The following JARID2 variants were observed in gnomAD, a reference collection of about 807,000 sequenced individuals.
JARID2 encodes jumonji and AT-rich interaction domain containing 2.
In JARID2, 21 loss-of-function variants were observed where a neutral mutation model predicts 125.6. The ratio of observed to expected loss-of-function variants is 0.17; its 90% CI spans 0.12 to 0.24. The LOEUF (loss-of-function observed/expected upper bound fraction) is 0.24. Ranked by LOEUF, JARID2 falls within the 10% of genes least tolerant of loss-of-function variation. JARID2 has a pLI of 1.00. For missense variants in JARID2, 1,303 were observed against 1,639.6 expected, an observed-to-expected ratio of 0.79 and a Z score of 3.55; for synonymous variants, 736 against 661.6, an observed-to-expected ratio of 1.11 and a Z score of -1.73.
intron 3 of JARID2, among the ~76,000 whole-genome samples, chr6:15,438,709 A>G (rs1189497401): frequency 6.6e-6 from 1 of 152,182 alleles, no homozygotes; most frequent in African/African-American, 2.4e-5. Context: ...TTCCCTCCAC[A>G]GTATCCTTCT....
chr6:15,367,370 C>A (rs1764017070), intron 1 of JARID2, among the ~76,000 whole-genome samples: 1 of 152,150 alleles, frequency 6.6e-6, no homozygotes. Context: ...CGATGGTTTG[C>A]CAATTGTAGG....
intron 3 of JARID2, among the ~76,000 whole-genome samples, chr6:15,430,795 C>G (rs917791280): frequency 6.6e-6 from 1 of 152,120 alleles, no homozygotes; most frequent in Admixed American, 6.5e-5. Context: ...GTAGGGGCTG[C>G]TTTGAGTAAC....
intron 4 of JARID2, among the ~76,000 whole-genome samples, chr6:15,462,773 A>G (rs563663036): frequency 1.3e-5 from 2 of 152,326 alleles, no homozygotes; most frequent in African/African-American, 4.8e-5. Flanking sequence ...AAGATCAAGA[A>G]CTGATCGAGG....
At chr6:15,377,009 A>G (rs1273235893) in intron 2 of JARID2, among the ~76,000 whole-genome samples, 1 of 152,186 alleles carries the variant, frequency 6.6e-6, no homozygotes, top group East Asian at 1.9e-4. Flanking sequence ...GTGTATGTAT[A>G]TGCATGCTTT....
intron 6 of JARID2, among the ~76,000 whole-genome samples, chr6:15,490,425 T>A (rs577735086): frequency 1.6e-4 from 25 of 152,264 alleles, no homozygotes; most frequent in Admixed American, 1.5e-3. Context: ...CCACTTCCCC[T>A]CGTGCGAACT....
Position 15,501,176 on chromosome 6 carries a change from G to T in JARID2, c.2215G>T (p.Gly739Cys). 1 of 1,614,120 alleles carries T rather than the reference G, an allele frequency of 6.2e-7. No homozygotes were observed. The highest frequency in any genetic ancestry group is 1.7e-5 in the Admixed American group (1 of 60,028). ...ILEKRKGPLE[G>C]HTENDHHKFH... ...GGAGAAGCGCAAGGGGCCGCTGGAA[G>T]GCCACACAGAGAACGACCACCACAA... The change falls in exon 8 of 18, where the codon GGC (glycine) becomes TGC (cysteine). Residue 739 changes from glycine (G) to cysteine (C), a missense_variant. By Grantham distance (159) the Gly-to-Cys change is radical. Coordinates refer to ENST00000341776, the MANE Select transcript of JARID2 (RefSeq NM_004973.4).
At chr6:15,265,094 G>A (rs1461389372) in intron 1 of JARID2, among the ~76,000 whole-genome samples, 1 of 152,172 alleles carries the variant, frequency 6.6e-6, no homozygotes, top group Non-Finnish European at 1.5e-5. Flanking sequence ...ATTCCAGTGC[G>A]CAGTGTGCAG....
intron 1 of JARID2, among the ~76,000 whole-genome samples, chr6:15,358,895 T>C (rs1316570131): frequency 1.3e-5 from 2 of 152,226 alleles, no homozygotes; most frequent in Non-Finnish European, 2.9e-5. Flanking sequence ...TCTGAGTTTA[T>C]AAGATCTCTG....
intron 3 of JARID2, among the ~76,000 whole-genome samples, chr6:15,418,604 G>T (rs1019656552): frequency 6.6e-6 from 1 of 152,186 alleles, no homozygotes; most frequent in Non-Finnish European, 1.5e-5. Flanking sequence ...AACTAGTACA[G>T]AAGTACCGAC....
intron 8 of JARID2, among the ~76,000 whole-genome samples, chr6:15,503,413 T>C: frequency 6.6e-6 from 1 of 152,254 alleles, no homozygotes; most frequent in Non-Finnish European, 1.5e-5. Flanking sequence ...AATGTCTCCA[T>C]GCCGACTACG....
chr6:15,280,253 G>A (rs1683411087), intron 1 of JARID2, among the ~76,000 whole-genome samples: 1 of 152,074 alleles, frequency 6.6e-6, no homozygotes, highest in African/African-American at 2.4e-5. Flanking sequence ...GTAAATGTTG[G>A]CTCTCTTTCA....
At chr6:15,286,598 C>T (rs553702168) in intron 1 of JARID2, among the ~76,000 whole-genome samples, 85 of 151,678 alleles carry the variant, frequency 5.6e-4, no homozygotes, top group African/African-American at 1.6e-3. Flanking sequence ...TGGTGGCTCA[C>T]GCCTGTATTC....
chr6:15,441,367 C>A (rs1406644204), intron 3 of JARID2, among the ~76,000 whole-genome samples: 1 of 152,172 alleles, frequency 6.6e-6, no homozygotes, highest in Middle Eastern at 3.2e-3. Context: ...TTGGCTAATA[C>A]TAGTGCTTGT....
intron 1 of JARID2, among the ~76,000 whole-genome samples, chr6:15,256,342 A>T (rs887067533): frequency 6.6e-6 from 1 of 152,210 alleles, no homozygotes; most frequent in Admixed American, 6.5e-5. Context: ...TCTGTCCTAT[A>T]TTAGCCAACA....
chr6:15,326,834 T>C (rs1307313632), intron 1 of JARID2, among the ~76,000 whole-genome samples: 7 of 152,228 alleles, frequency 4.6e-5, no homozygotes, highest in Admixed American at 2.6e-4. Flanking sequence ...GAATTCTATT[T>C]AGAGAAAACA....
intron 1 of JARID2, among the ~76,000 whole-genome samples, chr6:15,300,955 A>G (rs1222707483): frequency 1.3e-5 from 2 of 152,128 alleles, no homozygotes; most frequent in African/African-American, 2.4e-5. Context: ...TCAATGAGTG[A>G]CTGTTGGTAG....
intron 1 of JARID2, among the ~76,000 whole-genome samples, chr6:15,340,645 C>T (rs1763036463): frequency 6.6e-6 from 1 of 152,124 alleles, no homozygotes. Flanking sequence ...GACTTAGGAG[C>T]CCTGCTGGTG....
intron 2 of JARID2, among the ~76,000 whole-genome samples, chr6:15,400,144 TGATTAGATTA>T (rs1765369304): frequency 6.6e-6 from 1 of 152,158 alleles, no homozygotes; most frequent in East Asian, 1.9e-4. Context: ...AGCTTCTGTT[TGATTAGATTA>T]GATCAATTTA....
chr6:15,273,610 A>C (rs1480643790), intron 1 of JARID2, among the ~76,000 whole-genome samples: 1 of 152,244 alleles, frequency 6.6e-6, no homozygotes, highest in Non-Finnish European at 1.5e-5. Flanking sequence ...CTGAGGCAGA[A>C]GAATCGCTTG....
Sources: allele counts gnomAD v4.1 joint callset (sites outside exome capture counted in the v4.1 genomes callset), GRCh38; gene constraint gnomAD v4.1.1; transcripts MANE v1.5; gene names NCBI Gene and HGNC (gene_info 2026-07-23, HGNC 2026-07-21).